The following SCN9A variants were observed in gnomAD, a reference collection of about 807,000 sequenced individuals.
The protein encoded by SCN9A is sodium channel protein type 9 subunit alpha.
SCN9A carries 131 observed loss-of-function variants against 187.0 expected under a neutral mutation model. The observed-to-expected ratio is 0.70, with a 90% CI of 0.61 to 0.81. The LOEUF is 0.81. Ranked by LOEUF, SCN9A falls within the 30% of genes least tolerant of loss-of-function variation. The pLI is 0.00. For synonymous variants in SCN9A, 809 were observed against 808.6 expected (o/e 1.00, Z -0.01); for missense variants, 2,252 against 2,396.6 (o/e 0.94, Z 1.26).
At chr2:166,331,801 T>C (rs184966574) in intron 1 of SCN9A, among the ~76,000 whole-genome samples, 4 of 152,330 alleles carry the variant, frequency 2.6e-5, no homozygotes, top group African/African-American at 9.6e-5. Context: ...TGCTCATCCT[T>C]GTAACTTTTG....
chr2:166,235,070 C>T (rs747639990), intron 20 of SCN9A, among the ~76,000 whole-genome samples: 2 of 152,110 alleles, frequency 1.3e-5, no homozygotes, highest in African/African-American at 4.8e-5. Context: ...GATGTGGACC[C>T]TTCACCTTAG....
chr2:166,357,167 T>A (rs1700169361), intron 1 of SCN9A, among the ~76,000 whole-genome samples: 1 of 152,302 alleles, frequency 6.6e-6, no homozygotes, highest in African/African-American at 2.4e-5. Context: ...TATGTGTCCA[T>A]GTGTTCTCAT....
Position 166,288,612 on chromosome 2 carries a change from A to T in SCN9A, c.1139T>A (p.Ile380Asn), listed in dbSNP as rs188798505. 5 of 1,608,478 alleles carry T rather than the reference A, an allele frequency of 3.1e-6. No individual in the cohort carries two copies. In the East Asian group the frequency reaches 1.1e-4, roughly 36 times the overall value. ...CAGGAAAATCACTACGACAAAGAAG[A>T]TCATGTAGGTTTTGCCAGCAGCACG... Reference protein sequence around the residue: ...TLRAAGKTYMIFFVVVIFLGS... With the variant: ...TLRAAGKTYMNFFVVVIFLGS... The change falls in exon 10 of 27, where the codon ATC (isoleucine) becomes AAC (asparagine). Residue 380 changes from isoleucine to asparagine, a missense_variant. By Grantham distance (149) the Ile-to-Asn change is moderately radical. Coordinates refer to ENST00000642356, the MANE Select transcript of SCN9A (RefSeq NM_001365536.1).
intron 1 of SCN9A, among the ~76,000 whole-genome samples, chr2:166,344,607 T>C (rs1574948217): frequency 6.6e-6 from 1 of 152,204 alleles, no homozygotes; most frequent in South Asian, 2.1e-4. Flanking sequence ...TTAGATCTTG[T>C]GTAAAAGGCA....
At chr2:166,311,846 T>A in intron 1 of SCN9A, 40 bp from the exon 2 acceptor site, 2 of 1,324,386 alleles carry the variant, frequency 1.5e-6, no homozygotes, top group Non-Finnish European at 2.0e-6. Flanking sequence ...ACTATTTGCC[T>A]GCCAAGAAAG....
chr2:166,244,772 T>C (rs1427685734), intron 18 of SCN9A, among the ~76,000 whole-genome samples: 1 of 152,066 alleles, frequency 6.6e-6, no homozygotes, highest in African/African-American at 2.4e-5. Flanking sequence ...TGTGAATCTC[T>C]TCTTAACTCT....
chr2:166,211,600 T>C (rs1694097107), intron 24 of SCN9A, among the ~76,000 whole-genome samples: 1 of 151,982 alleles, frequency 6.6e-6, no homozygotes, highest in South Asian at 2.1e-4. Flanking sequence ...AATGTGTTTG[T>C]AGAAACACAT....
rs577462423 is a variant in SCN9A at position 166,214,605 on chromosome 2, C to T, written c.4399-10141G>A. On this transcript the variant is annotated intron_variant, in intron 24 of 26. Coordinates refer to ENST00000642356, the MANE Select transcript of SCN9A (RefSeq NM_001365536.1). ...TCTCGGCTCACTGCAAGCTCCGCCT[C>T]CCGGGTTCATGCCATTCTCCTGCCT... Among the ~76,000 whole-genome samples the T allele has an allele frequency of 6.0e-5, 8 of 133,928 alleles. No homozygotes were observed. The Admixed American group carries it at 6.4e-4, about 11-fold the overall frequency. The allele number at this position is 133,928 out of a possible 152,430, so 87.9% of individuals were successfully genotyped here.
intron 1 of SCN9A, among the ~76,000 whole-genome samples, chr2:166,348,242 A>T (rs892800974): frequency 2.3e-5 from 3 of 131,220 alleles, no homozygotes; most frequent in African/African-American, 1.1e-4. Context: ...GTCTTCCAAC[A>T]TTAAAAAAAA....
chr2:166,319,286 G>C (rs550966261), intron 1 of SCN9A, among the ~76,000 whole-genome samples: 2 of 146,498 alleles, frequency 1.4e-5, no homozygotes, highest in South Asian at 4.3e-4. Flanking sequence ...CTAGGTATAA[G>C]AAAATTCAAA....
chr2:166,214,664 G>A (rs1382837892), intron 24 of SCN9A, among the ~76,000 whole-genome samples: 1 of 149,122 alleles, frequency 6.7e-6, no homozygotes, highest in Non-Finnish European at 1.5e-5. Flanking sequence ...ACAGGCGCCC[G>A]CTACCACGCC....
chr2:166,222,886 G>A (rs1399494151), intron 24 of SCN9A, among the ~76,000 whole-genome samples: 4 of 122,318 alleles, frequency 3.3e-5, no homozygotes, highest in Non-Finnish European at 4.8e-5. Flanking sequence ...AGTCGAGATC[G>A]CGCCACTGCA....
chr2:166,218,860 A>C (rs562808809), intron 24 of SCN9A, among the ~76,000 whole-genome samples: 1 of 152,238 alleles, frequency 6.6e-6, no homozygotes, highest in African/African-American at 2.4e-5. Context: ...AAGGAACTTA[A>C]ATGAGTTTAC....
chr2:166,306,448 G>A (rs2106527103), intron 4 of SCN9A, 62 bp downstream of exon 4: 1 of 948,296 alleles, frequency 1.1e-6, no homozygotes, highest in South Asian at 1.4e-5. Flanking sequence ...TTCCTGGCAG[G>A]AAAAGGAAAG....
At position 166,303,304 on chromosome 2, in the gene SCN9A, T is replaced by A. The variant is rs1045405086; in HGVS notation, c.689-2A>T. 2 of 1,609,094 alleles carry A rather than the reference T, an allele frequency of 1.2e-6. No individual in the cohort carries two copies. Among genetic ancestry groups the A allele is most frequent in the Admixed American group, 1.7e-5 (1 of 59,084 alleles). ...AAGCCCCTACAATTGTCTTCAGGCC[T>A]GAAAATGGGAGAAAAAAGTGTTTGT... On this transcript the variant is annotated splice_acceptor_variant, in intron 6 of 26. Transcript: ENST00000642356. LOFTEE classifies it high-confidence loss of function.
chr2:166,368,713 C>G (rs368374445), intron 1 of SCN9A, among the ~76,000 whole-genome samples: 21 of 146,278 alleles, frequency 1.4e-4, no homozygotes, highest in African/African-American at 4.8e-4. Context: ...AGAGGCTGGG[C>G]ATGGTGGCTC....
chr2:166,274,581 T>C (rs1007753235), intron 16 of SCN9A, among the ~76,000 whole-genome samples: 1 of 152,172 alleles, frequency 6.6e-6, no homozygotes, highest in African/African-American at 2.4e-5. Flanking sequence ...ATTTTTTTCC[T>C]TAAATTTTAA....
At chr2:166,248,724 T>C (rs915875555) in intron 18 of SCN9A, among the ~76,000 whole-genome samples, 2 of 152,154 alleles carry the variant, frequency 1.3e-5, no homozygotes, top group Admixed American at 1.3e-4. Context: ...TGGAGTGCAG[T>C]GGCACAATCT....
At chr2:166,355,870 T>G (rs1421447089) in intron 1 of SCN9A, among the ~76,000 whole-genome samples, 2 of 151,900 alleles carry the variant, frequency 1.3e-5, no homozygotes, top group Non-Finnish European at 2.9e-5. Context: ...CCTCCTGGAT[T>G]CAAGTGATTC....
Sources: allele counts gnomAD v4.1 joint callset (sites outside exome capture counted in the v4.1 genomes callset), GRCh38; gene constraint gnomAD v4.1.1; transcripts MANE v1.5; gene names NCBI Gene and HGNC (gene_info 2026-07-23, HGNC 2026-07-21).